Variants in IGSF9 observed in about 807,000 individuals in gnomAD.
The protein encoded by IGSF9 is immunoglobulin superfamily member 9, also known as protein turtle homolog A.
A neutral mutation model predicts 121.7 loss-of-function variants in IGSF9; 87 were observed. The ratio of observed to expected loss-of-function variants is 0.71; its 90% CI spans 0.60 to 0.85. The LOEUF is 0.85. Among genes scored for constraint, IGSF9 ranks in the 40% least tolerant of loss-of-function variants. The pLI, the probability that IGSF9 is intolerant of heterozygous loss-of-function variation, is 0.00. For synonymous variants in IGSF9, 640 were observed against 648.4 expected (o/e 0.99, Z 0.20); for missense variants, 1,462 against 1,565.3 (o/e 0.93, Z 1.11).
In IGSF9 at chr1:159,936,802, C is replaced by A. The variant is rs774526159; in HGVS notation, c.507G>T (p.Thr169=). 1.2e-6 allele frequency: 2 copies of A among 1,614,206 alleles called. No individual in the cohort carries two copies. Among genetic ancestry groups the A allele is most frequent in the East Asian group, 4.5e-5 (2 of 44,874 alleles). Residue 169 remains threonine, a synonymous_variant, in exon 5 of 21, where the codon ACG becomes ACT. Coordinates refer to ENST00000368094, the MANE Select transcript of IGSF9 (RefSeq NM_001135050.2). ...CAAGGTCCTTTCCTCGGAGCTTCCA[C>A]GTCACATGAGGCAGGGGGCTGCCAC... is the stretch of plus-strand genomic sequence containing the variant. ...VARGSPLPHV[T]WKLRGKDLGQ... is the part of the protein sequence containing the mutation.
Position 159,927,093 on chromosome 1 carries a change from CACACAG to C in IGSF9, c.*246_*251del, listed in dbSNP as rs1557928397. The C allele has an allele frequency of 3.9e-5, 21 of 535,776 alleles. No individual in the cohort carries two copies. The highest frequency in any genetic ancestry group is 4.3e-5 in the Non-Finnish European group (13 of 303,934). The allele number at this position is 535,776 out of a possible 1,614,324, so 33.2% of individuals were successfully genotyped here. A position where few individuals can be genotyped will look rare whatever the true frequency, so the allele number is the denominator to read the frequency against. ...AAAAAACTTCACACACACACACACACACACAGAGAGAGAGAGAGAGAGAGAGAGAGA... is the reference window on the plus strand; with the variant it reads ...AAAAAACTTCACACACACACACACACAGAGAGAGAGAGAGAGAGAGAGAGA... On this transcript the variant is annotated 3_prime_UTR_variant, in exon 21 of 21. Transcript: ENST00000368094.
Position 159,929,720 on chromosome 1 carries a change from C to T in IGSF9, c.2244G>A (p.Val748=), listed in dbSNP as rs1199908547. The change falls in exon 17 of 21, where the codon GTG becomes GTA. Residue 748 remains valine, a synonymous_variant. Coordinates refer to ENST00000368094, the MANE Select transcript of IGSF9 (RefSeq NM_001135050.2). ...GVVGGVCFLG[V]AVLVSILAGC... ...CGGCCAGGATGCTCACAAGGACGGC[C>T]ACTCCCAGAAAGCAGACTCCGCCCA... 6.2e-7 allele frequency: 1 copy of T among 1,602,086 alleles called. No individual in the cohort carries two copies. The highest frequency in any genetic ancestry group is 1.3e-5 in the African/African-American group (1 of 74,904).
At position 159,929,721 on chromosome 1, in the gene IGSF9, A is replaced by G. The variant is rs555917419; in HGVS notation, c.2243T>C (p.Val748Ala). 1.9e-6 allele frequency: 3 copies of G among 1,601,952 alleles called. No homozygotes were observed. Among genetic ancestry groups the G allele is most frequent in the Non-Finnish European group, 2.6e-6 (3 of 1,175,268 alleles). Residue 748 changes from valine to alanine, a missense_variant, in exon 17 of 21, where the codon GTG (valine) becomes GCG (alanine). Val to Ala is a moderately conservative substitution (Grantham distance 64). Around this residue, in one of 3 missense-constraint regions of IGSF9, gnomAD observed 808 missense variants for 815.2 expected, o/e 0.99. Transcript: ENST00000368094. ...GGCCAGGATGCTCACAAGGACGGCC[A>G]CTCCCAGAAAGCAGACTCCGCCCAC... ...GVVGGVCFLG[V>A]AVLVSILAGC...
rs371820650 is a variant in IGSF9 at position 159,929,810 on chromosome 1, C to G, written c.2154G>C (p.Leu718=). Residue 718 remains leucine, a synonymous_variant, in exon 17 of 21, where the codon CTG becomes CTC. Transcript: ENST00000368094. The part of the protein sequence containing the change: ...SNTANVSTSG[L]EVYPSRTQLP... ...GCTGCGTGCGCGAAGGGTAGACCTCCAGACCTAGGCAGGGGTCCACGAGGG... is the reference window on the plus strand; with the variant it reads ...GCTGCGTGCGCGAAGGGTAGACCTCGAGACCTAGGCAGGGGTCCACGAGGG... The G allele has an allele frequency of 1.3e-4, 201 of 1,603,916 alleles. 2 individuals carry two copies. In the African/African-American group the frequency reaches 2.5e-3, roughly 20 times the overall value.
At chr1:159,942,207 A>G (rs1651406215) in intron 3 of IGSF9, among the ~76,000 whole-genome samples, 1 of 152,254 alleles carries the variant, frequency 6.6e-6, no homozygotes, top group Non-Finnish European at 1.5e-5. Context: ...ATCCGGGATT[A>G]GGAGGAAGCA....
chr1:159,928,110 TG>T, intron 19 of IGSF9, 47 bp downstream of exon 19: 1 of 1,584,474 alleles, frequency 6.3e-7, no homozygotes, highest in South Asian at 1.1e-5. Flanking sequence ...GTGAGAGGTC[TG>T]GGGTGGGACT....
At position 159,928,761 on chromosome 1, in the gene IGSF9, G is replaced by A. The variant is rs1650854088; in HGVS notation, c.2627C>T (p.Pro876Leu). 6.8e-7 allele frequency: 1 copy of A among 1,476,510 alleles called. No individual in the cohort carries two copies. 91.5% of individuals were successfully genotyped at this position (1,476,510 alleles called of 1,614,324 possible). A position where few individuals can be genotyped will look rare whatever the true frequency, so the allele number is the denominator to read the frequency against. ...SGREQAEPRTPAQRLARSFDC... is the reference protein window; with the variant it reads ...SGREQAEPRTLAQRLARSFDC... ...AAAGGACCGGGCCAGACGCTGGGCT[G>A]GAGTCCGAGGTTCTGCCTGCTCCCG... Residue 876 changes from proline to leucine, a missense_variant, in exon 19 of 21, where the codon CCA becomes CTA. By Grantham distance (98) the Pro-to-Leu change is moderately conservative. This residue lies in a region of IGSF9 where 808 missense variants were observed against 815.2 expected (regional missense o/e 0.99). Transcript: ENST00000368094.
chr1:159,937,026 CAT>C, intron 4 of IGSF9, 118 bp from the exon 5 acceptor site: 1 of 1,003,364 alleles, frequency 1.0e-6, no homozygotes, highest in Non-Finnish European at 1.5e-6. Flanking sequence ...AGCCCTGCCT[CAT>C]AGGAGTCCTC....
chr1:159,931,486 G>A lies in IGSF9; in HGVS notation c.1480C>T (p.Arg494Ter), dbSNP rs1232969166. 9 of 1,613,874 alleles carry A rather than the reference G, an allele frequency of 5.6e-6. No homozygotes were observed. Among genetic ancestry groups the A allele is most frequent in the East Asian group, 2.2e-5 (1 of 44,878 alleles). ...WECSASNAVA[R>*]VATSTNVYVL... is the part of the protein sequence containing the mutation. ...TAGACGTTCGTGGAGGTGGCCACTC[G>A]GGCCACAGCATTGCTGGCACTGCAT... Residue 494 changes from arginine (R) to a stop codon, truncating the protein, a stop_gained, in exon 12 of 21, where the codon CGA (arginine) becomes TGA (stop). Transcript: ENST00000368094. LOFTEE classifies it high-confidence loss of function. This position sits in a 1 kb window ranked among gnomAD's most constrained non-coding sequence, Gnocchi z 4.8.
At position 159,929,769 on chromosome 1, in the gene IGSF9, G is replaced by T; in HGVS notation, c.2195C>A (p.Pro732His). 6.2e-7 allele frequency: 1 copy of T among 1,606,800 alleles called. No homozygotes were observed. Among genetic ancestry groups the T allele is most frequent in the East Asian group, 2.2e-5 (1 of 44,546 alleles). ...PSRTQLPGLL[P>H]QPVLAGVVGG... ...CACCACGCCGGCCAGCACGGGCTGA[G>T]GCAGGAGGCCCGGCAGCTGCGTGCG... Residue 732 changes from proline to histidine, a missense_variant, in exon 17 of 21, where the codon CCT becomes CAT. Transcript: ENST00000368094.
chr1:159,934,656 AC>A (rs747702404), intron 7 of IGSF9, 24 bp downstream of exon 7: 10 of 1,614,080 alleles, frequency 6.2e-6, no homozygotes, highest in Non-Finnish European at 7.6e-6. Flanking sequence ...CCCCACCTCC[AC>A]CTTCCTAATG....
chr1:159,933,829 A>C, intron 9 of IGSF9: 1 of 313,602 alleles, frequency 3.2e-6, no homozygotes, highest in South Asian at 2.8e-5. Context: ...CCTGCCCTCA[A>C]CCCACTACCC....
chr1:159,929,652 T>C lies in IGSF9; in HGVS notation c.2312A>G (p.Lys771Arg), dbSNP rs1650901492. The change falls in exon 17 of 21, where the codon AAG becomes AGG. Residue 771 changes from lysine to arginine, a missense_variant. Physicochemically the swap from Lys to Arg is conservative, Grantham distance 26. Coordinates refer to ENST00000368094, the MANE Select transcript of IGSF9 (RefSeq NM_001135050.2). ...GAGGGACTTACCTTGGCGGAGGCGC[T>C]TGCGGCGGCGGCGGGCAGCCCTGCG... ...NRRRAARRRR[K>R]RLRQDPPLIF... 1 of 1,594,296 alleles carries C rather than the reference T, an allele frequency of 6.3e-7. No individual in the cohort carries two copies. The highest frequency in any genetic ancestry group is 1.8e-5 in the Admixed American group (1 of 56,292).
At chr1:159,935,943 T>C (rs1172991515) in intron 6 of IGSF9, among the ~76,000 whole-genome samples, 1 of 152,196 alleles carries the variant, frequency 6.6e-6, no homozygotes, top group Non-Finnish European at 1.5e-5. Context: ...ACAAAGATAA[T>C]AGGCTCTATG....
chr1:159,942,483 C>A (rs1261598264), intron 3 of IGSF9, among the ~76,000 whole-genome samples: 1 of 152,132 alleles, frequency 6.6e-6, no homozygotes, highest in Non-Finnish European at 1.5e-5. Context: ...TCAGCCCACT[C>A]CCTAGAAGAC....
Position 159,943,064 on chromosome 1 carries a change from C to T in IGSF9, c.146G>A (p.Arg49Gln), listed in dbSNP as rs1452662723. 3 of 1,611,244 alleles carry T rather than the reference C, an allele frequency of 1.9e-6. No homozygotes were observed. The highest frequency in any genetic ancestry group is 2.2e-5 in the East Asian group (1 of 44,640). ...LGCDLLPPAG[R>Q]PPLHVIEWLR... ...CCACTCGATGACATGCAGGGGGGGC[C>T]GGCCGGCCGGGGGCAGCAGGTCACA... Residue 49 changes from arginine to glutamine, a missense_variant, in exon 3 of 21, where the codon CGG becomes CAG. Physicochemically the swap from Arg to Gln is conservative, Grantham distance 43. Coordinates refer to ENST00000368094, the MANE Select transcript of IGSF9 (RefSeq NM_001135050.2).
rs780262643 is a variant in IGSF9 at position 159,929,443 on chromosome 1, C to G, written c.2327-50G>C. On this transcript the variant is annotated intron_variant, in intron 17 of 20. Coordinates refer to ENST00000368094, the MANE Select transcript of IGSF9 (RefSeq NM_001135050.2). ...TGACACAGGCAAAAATCAAGGCCCTCTAGGCGGAGACTCTCTCACCCAACA... is the reference window on the plus strand; with the variant it reads ...TGACACAGGCAAAAATCAAGGCCCTGTAGGCGGAGACTCTCTCACCCAACA... 5 of 1,601,574 alleles carry G rather than the reference C, an allele frequency of 3.1e-6. No homozygotes were observed. The Admixed American group carries it at 6.7e-5, about 22-fold the overall frequency.
chr1:159,928,218 C>T lies in IGSF9; in HGVS notation c.3170G>A (p.Ser1057Asn). 6.2e-7 allele frequency: 1 copy of T among 1,612,956 alleles called. No individual in the cohort carries two copies. The highest frequency in any genetic ancestry group is 2.2e-5 in the East Asian group (1 of 44,876). Residue 1057 changes from serine to asparagine, a missense_variant, in exon 19 of 21, where the codon AGC becomes AAC. By Grantham distance (46) the Ser-to-Asn change is conservative. Transcript: ENST00000368094. The stretch of plus-strand genomic sequence containing the variant: ...CCATCTCTCAGGGCCACTGGCCCAG[C>T]TGCTGGTGTCTCCTGGAGCAGGGCT... ...YLSPAPGDTS[S>N]WASGPERWPR...
intron 9 of IGSF9, chr1:159,933,038 G>A (rs1281267034): frequency 7.9e-5 from 13 of 164,958 alleles, no homozygotes; most frequent in Non-Finnish European, 1.6e-4. Flanking sequence ...TAAAGGGCCC[G>A]CCATCCTTCT....
Sources: allele counts gnomAD v4.1 joint callset (sites outside exome capture counted in the v4.1 genomes callset), GRCh38; gene constraint gnomAD v4.1.1; regional missense constraint gnomAD v4.1.1; non-coding constraint Gnocchi (gnomAD v3.1); transcripts MANE v1.5; gene names NCBI Gene and HGNC (gene_info 2026-07-23, HGNC 2026-07-21).